Variants in EEF1D observed in about 807,000 individuals in gnomAD.
EEF1D encodes the protein elongation factor 1-delta.
Under a neutral mutation model 63.9 loss-of-function variants are expected in EEF1D, and 47 were observed. The ratio of observed to expected loss-of-function variants is 0.74; its 90% confidence interval spans 0.58 to 0.94. EEF1D has a LOEUF of 0.94. Ranked by LOEUF, EEF1D falls within the 40% of genes least tolerant of loss-of-function variation. The probability of loss-of-function intolerance (pLI) is 0.00; values close to 1 mark genes in which losing one functional copy is unlikely to be tolerated. For synonymous variants in EEF1D, 412 were observed against 386.1 expected, an observed-to-expected ratio of 1.07 and a Z score of -0.79; for missense variants, 907 against 899.0, an observed-to-expected ratio of 1.01 and a Z score of -0.11.
intron 2 of EEF1D, among the ~76,000 whole-genome samples, chr8:143,591,857 C>T (rs1222492901): frequency 1.3e-5 from 2 of 152,276 alleles, no homozygotes; most frequent in Admixed American, 6.5e-5. Flanking sequence ...GAGCTGTCTA[C>T]GCTCCACCCA....
intron 1 of EEF1D, 83 bp from the exon 2 acceptor site, chr8:143,592,743 G>A (rs571414529): frequency 1.2e-5 from 12 of 977,534 alleles, no homozygotes; most frequent in Admixed American, 6.1e-5. Context: ...AGGTCAGCCC[G>A]GGGCGGCCGG....
chr8:143,589,040 G>C lies in EEF1D; in HGVS notation c.1042C>G (p.His348Asp). The C allele has an allele frequency of 6.2e-7, 1 of 1,604,880 alleles. No homozygotes were observed. The highest frequency in any genetic ancestry group is 8.5e-7 in the Non-Finnish European group (1 of 1,179,564). The change falls in exon 3 of 10, where the codon CAC (histidine) becomes GAC (aspartate). Residue 348 changes from histidine to aspartate, a missense_variant. His to Asp is a moderately conservative substitution (Grantham distance 81, BLOSUM62 -1). Coordinates refer to ENST00000618139, the MANE Select transcript of EEF1D (RefSeq NM_001130053.5). ...AWCLEAASLS[H>D]RPGPRSGLSV... The stretch of plus-strand genomic sequence containing the variant: ...AGGCCAGACCGAGGACCGGGTCGGT[G>C]AGACAGGGAGGCAGCTTCGAGGCAC...
chr8:143,588,789 C>T, intron 3 of EEF1D: 1 of 711,058 alleles, frequency 1.4e-6, no homozygotes, highest in South Asian at 1.9e-5. Flanking sequence ...ACTTTGTAAC[C>T]TCAAGCAGTG....
At chr8:143,597,126 G>C (rs977971063) in intron 1 of EEF1D, 7 of 152,094 alleles carry the variant, frequency 4.6e-5, no homozygotes, top group Non-Finnish European at 1.0e-4. Context: ...CCCCCGTCCC[G>C]CGGACGCCCT....
In EEF1D at chr8:143,586,277, C is replaced by A. The variant is rs1314668405; in HGVS notation, c.1229G>T (p.Ser410Ile). 2 of 1,606,216 alleles carry A rather than the reference C, an allele frequency of 1.2e-6. No homozygotes were observed. Among genetic ancestry groups the A allele is most frequent in the Non-Finnish European group, 1.7e-6 (2 of 1,177,134 alleles). ...AGASRQENGA[S>I]VILRDIARAR... ...TCTCGCAATGTCACGGAGGATCACGCTGGCGCCGTTCTCCTGCAGACAGTG... is the reference window on the plus strand; with the variant it reads ...TCTCGCAATGTCACGGAGGATCACGATGGCGCCGTTCTCCTGCAGACAGTG... Residue 410 changes from serine (S) to isoleucine (I), a missense_variant, in exon 5 of 10, where the codon AGC becomes ATC. Physicochemically the swap from Ser to Ile is moderately radical, Grantham distance 142. Coordinates refer to ENST00000618139, the MANE Select transcript of EEF1D (RefSeq NM_001130053.5).
chr8:143,580,700 GCTC>G lies in EEF1D; in HGVS notation c.1513_1515del (p.Glu505del). The stretch of plus-strand genomic sequence containing the variant: ...GGTGTGGCTGGCTTCTTGGCTGGGG[GCTC>G]CACTTGGCGCATGGGAGATACGTGC... On this transcript the variant is annotated inframe_deletion, in exon 8 of 10. Transcript: ENST00000618139. The G allele has an allele frequency of 6.2e-7, 1 of 1,613,636 alleles. No individual in the cohort carries two copies. Among genetic ancestry groups the G allele is most frequent in the Non-Finnish European group, 8.5e-7 (1 of 1,180,006 alleles).
At chr8:143,590,437 G>T in intron 2 of EEF1D, 1 of 809,332 alleles carries the variant, frequency 1.2e-6, no homozygotes, top group Non-Finnish European at 1.8e-6. Flanking sequence ...AAAATTTTTC[G>T]TCATTTATCT....
chr8:143,580,195 C>T lies in EEF1D; in HGVS notation c.1722G>A (p.Glu574=). The T allele has an allele frequency of 6.2e-7, 1 of 1,613,142 alleles. No individual in the cohort carries two copies. Among genetic ancestry groups the T allele is most frequent in the African/African-American group, 1.3e-5 (1 of 75,030 alleles). The part of the protein sequence containing the change: ...ILLDVKPWDD[E]TDMAQLEACV... Reference sequence around the variant, plus strand: ...AGGCCTCCAGCTGGGCCATGTCCGTCTCATCATCCCACTGTGGGGAAAGGG... The same window carrying T: ...AGGCCTCCAGCTGGGCCATGTCCGTTTCATCATCCCACTGTGGGGAAAGGG... The change falls in exon 9 of 10, where the codon GAG becomes GAA. Residue 574 remains glutamate (E), a synonymous_variant. Transcript: ENST00000618139.
At position 143,586,240 on chromosome 8, in the gene EEF1D, G is replaced by A. The variant is rs775412341; in HGVS notation, c.1266C>T (p.Asn422=). 33 of 1,609,704 alleles carry A rather than the reference G, an allele frequency of 2.1e-5. No individual in the cohort carries two copies. The highest frequency in any genetic ancestry group is 2.5e-5 in the Non-Finnish European group (30 of 1,178,896). ...ILRDIARARE[N]IQKSLAGSSG... ...TCACTCCAGCCAGGGATTTCTGGAT[G>A]TTCTCTCTGGCTCTCGCAATGTCAC... The change falls in exon 5 of 10, where the codon AAC becomes AAT. Residue 422 remains asparagine (N), a synonymous_variant. Coordinates refer to ENST00000618139, the MANE Select transcript of EEF1D (RefSeq NM_001130053.5).
Position 143,589,877 on chromosome 8 carries a change from C to T in EEF1D, c.205G>A (p.Gly69Ser), listed in dbSNP as rs34547530. The T allele has an allele frequency of 5.6e-3, 8,913 of 1,599,920 alleles. 409 individuals are homozygous for T. In the African/African-American group the frequency reaches 0.1, roughly 19 times the overall value. Residue 69 changes from glycine (G) to serine (S), a missense_variant, in exon 3 of 10, where the codon GGC (glycine) becomes AGC (serine). Coordinates refer to ENST00000618139, the MANE Select transcript of EEF1D (RefSeq NM_001130053.5). ...DADEAEAPDG[G>S]SRRDPRKSQD... is the part of the protein sequence containing the mutation. The stretch of plus-strand genomic sequence containing the variant: ...CTCTTCCTGGGATCACGCCTGCTGC[C>T]GCCGTCAGGGGCTTCCGCCTCATCA...
chr8:143,579,810 T>C lies in EEF1D; in HGVS notation c.1926A>G (p.Ala642=). 1 of 1,566,110 alleles carries C rather than the reference T, an allele frequency of 6.4e-7. No homozygotes were observed. The highest frequency in any genetic ancestry group is 8.7e-7 in the Non-Finnish European group (1 of 1,153,544). The change falls in exon 10 of 10, where the codon GCA becomes GCG. Residue 642 remains alanine, a synonymous_variant. Coordinates refer to ENST00000618139, the MANE Select transcript of EEF1D (RefSeq NM_001130053.5). ...FEEHVQSVDI[A]AFNKI ...TCAGGCTTCAGATCTTGTTGAAAGC[T>C]GCGATATCGACACTCTGCACCTGAG...
chr8:143,592,007 GC>G, intron 2 of EEF1D: 6 of 982,306 alleles, frequency 6.1e-6, no homozygotes, highest in Non-Finnish European at 7.3e-6. Context: ...AGGAACCGGG[GC>G]CCATGGGAGG....
chr8:143,579,811 G>A lies in EEF1D; in HGVS notation c.1925C>T (p.Ala642Val), dbSNP rs376424793. The change falls in exon 10 of 10, where the codon GCA (alanine) becomes GTA (valine). Residue 642 changes from alanine to valine, a missense_variant. By Grantham distance (64) the Ala-to-Val change is moderately conservative (BLOSUM62 0). Transcript: ENST00000618139. ...CAGGCTTCAGATCTTGTTGAAAGCT[G>A]CGATATCGACACTCTGCACCTGAGG... The part of the protein sequence containing the change: ...FEEHVQSVDI[A>V]AFNKI The A allele has an allele frequency of 1.7e-5, 26 of 1,566,348 alleles. No individual in the cohort carries two copies. The highest frequency in any genetic ancestry group is 2.2e-5 in the Non-Finnish European group (25 of 1,153,676).
chr8:143,587,880 C>G (rs1237654378), intron 3 of EEF1D, among the ~76,000 whole-genome samples: 1 of 152,108 alleles, frequency 6.6e-6, no homozygotes, highest in South Asian at 2.1e-4. Context: ...GAGTTTGCCG[C>G]CCCCCACCCT....
intron 1 of EEF1D, among the ~76,000 whole-genome samples, chr8:143,593,638 G>A (rs1246283914): frequency 6.6e-6 from 1 of 152,172 alleles, no homozygotes; most frequent in Non-Finnish European, 1.5e-5. Context: ...ATGCTACGGA[G>A]GCAGCTGCCC....
intron 5 of EEF1D, chr8:143,582,806 T>G (rs537365023): frequency 5.3e-5 from 8 of 152,320 alleles, no homozygotes; most frequent in African/African-American, 1.9e-4. Context: ...GGTCACCCAG[T>G]GCAGTCACAG....
In EEF1D at chr8:143,589,452, G is replaced by T; in HGVS notation, c.630C>A (p.His210Gln). The T allele has an allele frequency of 2.0e-6, 3 of 1,531,400 alleles. No homozygotes were observed. Among genetic ancestry groups the T allele is most frequent in the East Asian group, 2.4e-5 (1 of 41,502 alleles). 94.9% of individuals were successfully genotyped at this position (1,531,400 alleles called of 1,614,324 possible). Residue 210 changes from histidine (H) to glutamine (Q), a missense_variant, in exon 3 of 10, where the codon CAC (histidine) becomes CAA (glutamine). By Grantham distance (24) the His-to-Gln change is conservative. Transcript: ENST00000618139. ...GQQVAVPDLA[H>Q]QPSPPVNGQP... Reference sequence around the variant, plus strand: ...GGCCATTGACCGGTGGGCTGGGCTGGTGGGCCAGGTCGGGGACGGCCACCT... The same window carrying T: ...GGCCATTGACCGGTGGGCTGGGCTGTTGGGCCAGGTCGGGGACGGCCACCT...
At position 143,581,167 on chromosome 8, in the gene EEF1D, G is replaced by A; in HGVS notation, c.1388-13C>T. On this transcript the variant is annotated splice_polypyrimidine_tract_variant and intron_variant, in intron 6 of 9. Transcript: ENST00000618139. The stretch of plus-strand genomic sequence containing the variant: ...AGCTCCTGTACCACTGGGGGGGCAA[G>A]GGGAGCACGGTTAGATGGCAGGGGC... 1.2e-6 allele frequency: 2 copies of A among 1,612,914 alleles called. No homozygotes were observed. The highest frequency in any genetic ancestry group is 1.7e-6 in the Non-Finnish European group (2 of 1,179,932).
At chr8:143,590,399 A>G (rs1274988621) in intron 2 of EEF1D, 6 of 628,962 alleles carry the variant, frequency 9.5e-6, no homozygotes, top group African/African-American at 9.2e-5. Flanking sequence ...TGTATGGCCC[A>G]TGAAGTATCT....
Sources: gnomAD v4.1 joint callset for allele counts (sites outside exome capture counted in the v4.1 genomes callset) on GRCh38, gnomAD v4.1.1 for gene constraint, MANE v1.5 for transcripts, NCBI Gene and HGNC (gene_info 2026-07-23, HGNC 2026-07-21) for gene names.